Variants in NPTX2 observed in about 807,000 individuals in gnomAD.
NPTX2 encodes neuronal pentraxin 2.
A neutral mutation model predicts 38.1 loss-of-function variants in NPTX2; 23 were observed. That is an observed-to-expected ratio of 0.60 (90% CI 0.43 to 0.85). The LOEUF is 0.85. NPTX2 is among the 40% of genes least tolerant of loss of function. The probability of loss-of-function intolerance (pLI) is 0.00; values close to 1 mark genes in which losing one functional copy is unlikely to be tolerated. For synonymous variants in NPTX2, 291 were observed against 287.3 expected, an observed-to-expected ratio of 1.01 and a Z score of -0.13; for missense variants, 553 against 615.3, an observed-to-expected ratio of 0.90 and a Z score of 1.07.
Position 98,629,738 on chromosome 7 carries a change from T to G in NPTX2, c.*1109T>G, listed in dbSNP as rs1358878110. ...AAAGCTAAATATTATATATTTTATT[T>G]TTCATACATGTTTGAAGTGCAAATC... On this transcript the variant is annotated 3_prime_UTR_variant, in exon 5 of 5. Transcript: ENST00000265634. The G allele has an allele frequency of 1.3e-5, 2 of 152,590 alleles. No homozygotes were observed. The highest frequency in any genetic ancestry group is 3.8e-4 in the East Asian group (2 of 5,204). The allele number at this position is 152,590 out of a possible 1,614,324, so 9.5% of individuals were successfully genotyped here. A position where few individuals can be genotyped will look rare whatever the true frequency, so the allele number is the denominator to read the frequency against.
At chr7:98,618,053 C>T (rs529028729) in intron 1 of NPTX2, among the ~76,000 whole-genome samples, 166 bp downstream of exon 1, 47 of 152,248 alleles carry the variant, frequency 3.1e-4, no homozygotes, top group African/African-American at 8.9e-4. Context: ...AGATCCTGCT[C>T]GGGAACTCCC....
At chr7:98,624,335 C>T (rs932227890) in intron 2 of NPTX2, among the ~76,000 whole-genome samples, 3 of 152,082 alleles carry the variant, frequency 2.0e-5, no homozygotes, top group African/African-American at 7.2e-5. Context: ...TCAAGCAATC[C>T]TCCTGCCTCG....
In NPTX2 at chr7:98,619,678, G is replaced by A. The variant is rs756527772; in HGVS notation, c.462G>A (p.Leu154=). 1.7e-5 allele frequency: 27 copies of A among 1,613,304 alleles called. No homozygotes were observed. The highest frequency in any genetic ancestry group is 2.2e-5 in the Non-Finnish European group (26 of 1,180,044). The part of the protein sequence containing the change: ...QLRANVSNAG[L]PGDFREVLQQ... ...GAGCAAACGTGTCCAATGCTGGGCTGCCCGGCGACTTCCGCGAGGTGCTCC... is the reference window on the plus strand; with the variant it reads ...GAGCAAACGTGTCCAATGCTGGGCTACCCGGCGACTTCCGCGAGGTGCTCC... Residue 154 remains leucine, a synonymous_variant, in exon 2 of 5, where the codon CTG becomes CTA. Coordinates refer to ENST00000265634, the MANE Select transcript of NPTX2 (RefSeq NM_002523.3).
Position 98,621,918 on chromosome 7 carries a change from G to A in NPTX2, c.643+2059G>A, listed in dbSNP as rs548593578. On this transcript the variant is annotated intron_variant, in intron 2 of 4. Coordinates refer to ENST00000265634, the MANE Select transcript of NPTX2 (RefSeq NM_002523.3). Reference sequence around the variant, plus strand: ...GTGATGGAGGCTGCAGCCTGGAGCGGTGTGTGGGCCCCAGCCCTGCTGCGT... The same window carrying A: ...GTGATGGAGGCTGCAGCCTGGAGCGATGTGTGGGCCCCAGCCCTGCTGCGT... Among the ~76,000 whole-genome samples, 8 of 152,368 alleles carry A rather than the reference G, an allele frequency of 5.3e-5. No individual in the cohort carries two copies. In the South Asian group the frequency reaches 1.7e-3, roughly 32 times the overall value.
intron 4 of NPTX2, among the ~76,000 whole-genome samples, chr7:98,627,867 G>A (rs979409068): frequency 2.0e-5 from 3 of 152,166 alleles, no homozygotes; most frequent in Admixed American, 6.5e-5. Context: ...ATCCATAGTG[G>A]GTGCTCAGCC....
chr7:98,624,832 G>C, intron 2 of NPTX2, 90 bp from the exon 3 acceptor site: 1 of 1,501,262 alleles, frequency 6.7e-7, no homozygotes, highest in Non-Finnish European at 9.0e-7. Context: ...GGACCTTCTT[G>C]TGGGTCTAGC....
intron 2 of NPTX2, among the ~76,000 whole-genome samples, chr7:98,623,740 C>G (rs1393115875): frequency 1.3e-5 from 2 of 152,196 alleles, no homozygotes; most frequent in African/African-American, 4.8e-5. Context: ...CAGACTCATT[C>G]ACTTGACAAG....
intron 1 of NPTX2, among the ~76,000 whole-genome samples, chr7:98,619,043 T>G (rs538488965): frequency 1.4e-3 from 212 of 152,250 alleles, no homozygotes; most frequent in Non-Finnish European, 2.8e-3. Context: ...CATGAACTCA[T>G]GGGTAGGCAG....
intron 2 of NPTX2, among the ~76,000 whole-genome samples, chr7:98,624,325 T>G (rs1419613541): frequency 6.6e-6 from 1 of 152,150 alleles, no homozygotes; most frequent in Non-Finnish European, 1.5e-5. Context: ...ACTCTTGGCC[T>G]CAAGCAATCC....
intron 1 of NPTX2, 104 bp downstream of exon 1, chr7:98,617,991 G>T: frequency 1.6e-6 from 2 of 1,222,156 alleles, no homozygotes; most frequent in Non-Finnish European, 2.2e-6. Flanking sequence ...CCTGGGGAGG[G>T]TGTGATCGTC....
At chr7:98,625,399 C>T (rs911065935) in intron 3 of NPTX2, among the ~76,000 whole-genome samples, 1 of 152,130 alleles carries the variant, frequency 6.6e-6, no homozygotes, top group African/African-American at 2.4e-5. Context: ...TGCAGAAGGT[C>T]CAGGCACCTA....
At chr7:98,618,826 G>A (rs1023281685) in intron 1 of NPTX2, among the ~76,000 whole-genome samples, 3 of 151,764 alleles carry the variant, frequency 2.0e-5, no homozygotes, top group Non-Finnish European at 4.4e-5. Context: ...GTTTCTTTTG[G>A]CGTGAGGGCT....
rs1791324604 is a variant in NPTX2 at position 98,624,982 on chromosome 7, A to G, written c.704A>G (p.Tyr235Cys). 6.2e-7 allele frequency: 1 copy of G among 1,613,740 alleles called. No individual in the cohort carries two copies. The highest frequency in any genetic ancestry group is 2.2e-5 in the East Asian group (1 of 44,846). ...GTGTCCCTCCCACTCCGCACAAACT[A>G]CCTATACGGCAAGATCAAGAAGACG... ...FKVSLPLRTN[Y>C]LYGKIKKTLP... Residue 235 changes from tyrosine (Y) to cysteine (C), a missense_variant, in exon 3 of 5, where the codon TAC becomes TGC. Physicochemically the swap from Tyr to Cys is radical, Grantham distance 194. Transcript: ENST00000265634.
At chr7:98,620,398 C>T (rs1170040177) in intron 2 of NPTX2, among the ~76,000 whole-genome samples, 2 of 152,138 alleles carry the variant, frequency 1.3e-5, no homozygotes, top group African/African-American at 4.8e-5. Flanking sequence ...AATAGCAGAA[C>T]ATCCAATGAC....
chr7:98,626,834 C>G (rs1349245651), intron 3 of NPTX2, among the ~76,000 whole-genome samples: 1 of 152,210 alleles, frequency 6.6e-6, no homozygotes, highest in African/African-American at 2.4e-5. Flanking sequence ...GATCTCTCGT[C>G]TGTTTTCCAA....
Position 98,617,558 on chromosome 7 carries a change from C to A in NPTX2, c.97C>A (p.Pro33Thr). ...TAGCCGCTTCGTGTGCACGGCACTG[C>A]CCCCAGAGGCGGTGCACGCCGGCTG... The part of the protein sequence containing the change: ...PGSRFVCTAL[P>T]PEAVHAGCPL... Residue 33 changes from proline (P) to threonine (T), a missense_variant, in exon 1 of 5, where the codon CCC (proline) becomes ACC (threonine). By Grantham distance (38) the Pro-to-Thr change is conservative (BLOSUM62 -1). Coordinates refer to ENST00000265634, the MANE Select transcript of NPTX2 (RefSeq NM_002523.3). 2 of 1,472,638 alleles carry A rather than the reference C, an allele frequency of 1.4e-6. No homozygotes were observed. Among genetic ancestry groups the A allele is most frequent in the Non-Finnish European group, 1.8e-6 (2 of 1,118,690 alleles). 91.2% of individuals were successfully genotyped at this position (1,472,638 alleles called of 1,614,324 possible).
chr7:98,627,043 C>CA, intron 3 of NPTX2, 122 bp from the exon 4 acceptor site: 1 of 603,034 alleles, frequency 1.7e-6, no homozygotes. Context: ...CACGCATGAC[C>CA]CCGGTGACAG....
chr7:98,617,537 C>T lies in NPTX2; in HGVS notation c.76C>T (p.Arg26Cys). The change falls in exon 1 of 5, where the codon CGC (arginine) becomes TGC (cysteine). Residue 26 changes from arginine (R) to cysteine (C), a missense_variant. Transcript: ENST00000265634. ...CCAGGACAGCCCGGCGCCCGGTAGC[C>T]GCTTCGTGTGCACGGCACTGCCCCC... ...GAQDSPAPGSRFVCTALPPEA... is the reference protein window; with the variant it reads ...GAQDSPAPGSCFVCTALPPEA... 3.5e-6 allele frequency: 5 copies of T among 1,426,892 alleles called. No homozygotes were observed. Among genetic ancestry groups the T allele is most frequent in the Non-Finnish European group, 4.6e-6 (5 of 1,093,356 alleles). The allele number at this position is 1,426,892 out of a possible 1,614,324, so 88.4% of individuals were successfully genotyped here.
At chr7:98,626,649 C>G (rs1455806882) in intron 3 of NPTX2, among the ~76,000 whole-genome samples, 1 of 152,188 alleles carries the variant, frequency 6.6e-6, no homozygotes, top group African/African-American at 2.4e-5. Flanking sequence ...TGCAGGACCG[C>G]CAGGGACCCG....
Sources: gnomAD v4.1 joint callset for allele counts (sites outside exome capture counted in the v4.1 genomes callset) on GRCh38, gnomAD v4.1.1 for gene constraint, MANE v1.5 for transcripts, NCBI Gene and HGNC (gene_info 2026-07-23, HGNC 2026-07-21) for gene names.